Variants in SEPTIN2 observed in about 807,000 individuals in gnomAD.
SEPTIN2 encodes septin 2.
A neutral mutation model predicts 46.5 loss-of-function variants in SEPTIN2; 34 were observed. The ratio of observed to expected loss-of-function variants is 0.73; its 90% CI spans 0.56 to 0.97. SEPTIN2 has a LOEUF of 0.97. SEPTIN2 is among the 50% of genes least tolerant of loss of function. SEPTIN2 has a pLI of 0.00. For missense variants in SEPTIN2, 347 were observed against 448.4 expected (o/e 0.77, Z 2.04); for synonymous variants, 175 against 153.4 (o/e 1.14, Z -1.04).
At chr2:241,319,439 G>A (rs1354426329) in intron 1 of SEPTIN2, among the ~76,000 whole-genome samples, 1 of 152,232 alleles carries the variant, frequency 6.6e-6, no homozygotes. Context: ...AGGTCTTCAT[G>A]TAAAAGTTTT....
chr2:241,331,052 G>A (rs563471924), intron 3 of SEPTIN2, among the ~76,000 whole-genome samples: 1 of 152,168 alleles, frequency 6.6e-6, no homozygotes, highest in Non-Finnish European at 1.5e-5. Flanking sequence ...GATGGTGGGT[G>A]CCTGTAATTT....
intron 12 of SEPTIN2, among the ~76,000 whole-genome samples, chr2:241,350,715 G>A (rs1434808238): frequency 2.0e-5 from 3 of 152,110 alleles, no homozygotes; most frequent in East Asian, 1.9e-4. Context: ...GCTTTGTCCC[G>A]ACTGATGGTC....
chr2:241,325,711 T>C (rs1346051226), intron 2 of SEPTIN2, among the ~76,000 whole-genome samples: 1 of 152,206 alleles, frequency 6.6e-6, no homozygotes, highest in African/African-American at 2.4e-5. Flanking sequence ...GCATGTATCT[T>C]CTATGTATTG....
chr2:241,323,321 C>T (rs1319501262), intron 1 of SEPTIN2, among the ~76,000 whole-genome samples: 2 of 152,118 alleles, frequency 1.3e-5, no homozygotes, highest in Admixed American at 1.3e-4. Flanking sequence ...CAGGCACGCA[C>T]CACCACGCCT....
intron 5 of SEPTIN2, 170 bp from the exon 6 acceptor site, chr2:241,337,212 G>A: frequency 1.6e-6 from 1 of 621,854 alleles, no homozygotes; most frequent in Non-Finnish European, 2.7e-6. Flanking sequence ...GCTTGGCATA[G>A]TTTCCAAAAA....
At chr2:241,334,246 G>A (rs1191901405) in intron 3 of SEPTIN2, among the ~76,000 whole-genome samples, 1 of 152,086 alleles carries the variant, frequency 6.6e-6, no homozygotes, top group Admixed American at 6.5e-5. Flanking sequence ...GTGGTTTAGG[G>A]TACCCAGAGG....
rs1202147940 is a variant in SEPTIN2 at position 241,338,881 on chromosome 2, CTATAATATA to C, written c.594+1095_594+1103del. On this transcript the variant is annotated intron_variant, in intron 7 of 12. Transcript: ENST00000391971. ...ATAAAAATATATATATTTAATATAT[CTATAATATA>C]TATTATATATATTATATATAATATA... 5.5e-5 allele frequency among the ~76,000 whole-genome samples: 3 copies of C among 54,996 alleles called. No individual in the cohort carries two copies. The East Asian group carries it at 1.3e-3, about 24-fold the overall frequency. The allele number at this position is 54,996 out of a possible 152,430, so 36.1% of individuals were successfully genotyped here.
chr2:241,324,402 T>G (rs2077607153), intron 2 of SEPTIN2, 161 bp downstream of exon 2: 3 of 606,820 alleles, frequency 4.9e-6, no homozygotes, highest in Non-Finnish European at 8.6e-6. Flanking sequence ...TTTTTTTTTT[T>G]TTTGAGACGG....
At position 241,352,583 on chromosome 2, in the gene SEPTIN2, T is replaced by A. The variant is rs1333023110; in HGVS notation, c.*646T>A. ...AGATATATCTTTATACTTAAACAGC[T>A]TTTTTAGAGGTGAGTTTTAAAGAAG... On this transcript the variant is annotated 3_prime_UTR_variant, in exon 13 of 13. Coordinates refer to ENST00000391971, the MANE Select transcript of SEPTIN2 (RefSeq NM_004404.5). 1 of 152,610 alleles carries A rather than the reference T, an allele frequency of 6.6e-6. No individual in the cohort carries two copies. Among genetic ancestry groups the A allele is most frequent in the Non-Finnish European group, 1.5e-5 (1 of 68,032 alleles). The allele number at this position is 152,610 out of a possible 1,614,324, so 9.5% of individuals were successfully genotyped here.
intron 4 of SEPTIN2, chr2:241,335,523 G>T (rs911088516): frequency 4.5e-6 from 3 of 673,644 alleles, no homozygotes; most frequent in Non-Finnish European, 7.7e-6. Context: ...AAAATGCTGT[G>T]TAACTAGAAG....
chr2:241,335,426 T>C (rs2079787575), intron 4 of SEPTIN2: 2 of 1,333,288 alleles, frequency 1.5e-6, no homozygotes, highest in Non-Finnish European at 1.1e-6. Context: ...ATCCATCCTC[T>C]CTTGAGTTTG....
At chr2:241,323,328 G>A (rs1295878771) in intron 1 of SEPTIN2, among the ~76,000 whole-genome samples, 2 of 152,046 alleles carry the variant, frequency 1.3e-5, no homozygotes, top group African/African-American at 4.8e-5. Context: ...GCACCACCAC[G>A]CCTGGCTGAA....
chr2:241,327,298 T>C (rs1223518209), intron 3 of SEPTIN2, among the ~76,000 whole-genome samples: 2 of 151,086 alleles, frequency 1.3e-5, no homozygotes, highest in African/African-American at 4.9e-5. Context: ...GAAAACCAAG[T>C]GGAACTTCTA....
intron 1 of SEPTIN2, among the ~76,000 whole-genome samples, chr2:241,320,822 G>A (rs1007552723): frequency 6.6e-6 from 1 of 151,902 alleles, no homozygotes; most frequent in African/African-American, 2.4e-5. Context: ...TTTTGGATTT[G>A]TTTACCCTTC....
chr2:241,319,032 CA>C (rs1233107403), intron 1 of SEPTIN2, among the ~76,000 whole-genome samples: 1 of 151,712 alleles, frequency 6.6e-6, no homozygotes, highest in Non-Finnish European at 1.5e-5. Flanking sequence ...GTCCAATCAG[CA>C]AAAAAGTGTT....
chr2:241,327,002 C>G (rs116733505), intron 3 of SEPTIN2, among the ~76,000 whole-genome samples: 1 of 129,664 alleles, frequency 7.7e-6, no homozygotes, highest in Admixed American at 9.3e-5. Flanking sequence ...AAGCTGAGAT[C>G]ATGCCACTGC....
At chr2:241,345,497 G>A (rs2081895771) in intron 9 of SEPTIN2, among the ~76,000 whole-genome samples, 1 of 152,130 alleles carries the variant, frequency 6.6e-6, no homozygotes, top group African/African-American at 2.4e-5. Flanking sequence ...CCACTCCTTG[G>A]CTATCTCAAT....
chr2:241,335,380 T>G (rs2079779580), intron 4 of SEPTIN2, 168 bp downstream of exon 4: 4 of 1,551,524 alleles, frequency 2.6e-6, no homozygotes, highest in Non-Finnish European at 3.5e-6. Context: ...GGTCCTTGGA[T>G]TTGGGTTGTA....
chr2:241,330,382 A>G (rs1478890403), intron 3 of SEPTIN2, among the ~76,000 whole-genome samples: 1 of 152,238 alleles, frequency 6.6e-6, no homozygotes, highest in Non-Finnish European at 1.5e-5. Flanking sequence ...ACTGCACCAT[A>G]GAAGCCCTGA....
Sources: gnomAD v4.1 joint callset for allele counts (sites outside exome capture counted in the v4.1 genomes callset) on GRCh38, gnomAD v4.1.1 for gene constraint, MANE v1.5 for transcripts, NCBI Gene and HGNC (gene_info 2026-07-23, HGNC 2026-07-21) for gene names.